Variants in BMPER observed in about 807,000 individuals in gnomAD.
BMPER encodes the protein BMP-binding endothelial regulator protein.
Under a neutral mutation model 87.3 loss-of-function variants are expected in BMPER, and 45 were observed. That is an observed-to-expected ratio of 0.52 (90% CI 0.41 to 0.66). The LOEUF (loss-of-function observed/expected upper bound fraction) is 0.66. Ranked by LOEUF, BMPER falls within the 30% of genes least tolerant of loss-of-function variation. BMPER has a pLI of 0.00. For missense variants in BMPER, 784 were observed against 867.5 expected (o/e 0.90, Z 1.21); for synonymous variants, 326 against 316.2 (o/e 1.03, Z -0.33).
intron 3 of BMPER, among the ~76,000 whole-genome samples, chr7:33,940,967 A>G (rs1784742280): frequency 7.4e-6 from 1 of 135,430 alleles, no homozygotes; most frequent in African/African-American, 2.8e-5. Flanking sequence ...ATTTATATAT[A>G]ATATAATTTA....
intron 11 of BMPER, among the ~76,000 whole-genome samples, chr7:34,062,745 G>T (rs776855008): frequency 6.6e-6 from 1 of 152,166 alleles, no homozygotes; most frequent in Non-Finnish European, 1.5e-5. Context: ...TTTGTACAGC[G>T]TGTCGCTGTA....
chr7:34,116,042 G>A (rs1790110221), intron 13 of BMPER, among the ~76,000 whole-genome samples: 1 of 152,148 alleles, frequency 6.6e-6, no homozygotes, highest in African/African-American at 2.4e-5. Context: ...GTTTTGGTTT[G>A]CATTTTCTTG....
intron 6 of BMPER, among the ~76,000 whole-genome samples, chr7:33,993,603 C>G (rs1786299710): frequency 6.6e-6 from 1 of 151,930 alleles, no homozygotes; most frequent in Non-Finnish European, 1.5e-5. Flanking sequence ...TCGTCTGAAG[C>G]CTTCTTCTCT....
At chr7:33,933,303 T>G (rs558609521) in intron 2 of BMPER, among the ~76,000 whole-genome samples, 99 of 152,186 alleles carry the variant, frequency 6.5e-4, no homozygotes, top group Non-Finnish European at 1.1e-3. Flanking sequence ...TTAACTATCT[T>G]CCTGAAAGAA....
chr7:34,117,697 G>A (rs1055081142), intron 13 of BMPER, among the ~76,000 whole-genome samples: 3 of 152,252 alleles, frequency 2.0e-5, no homozygotes, highest in Middle Eastern at 3.4e-3. Flanking sequence ...AAAAGTTTTT[G>A]CGTAGCATAA....
chr7:33,977,791 A>C (rs566855921), intron 6 of BMPER, among the ~76,000 whole-genome samples: 1 of 152,356 alleles, frequency 6.6e-6, no homozygotes, highest in Admixed American at 6.5e-5. Context: ...ATATAAAAAC[A>C]TGCTTATAAA....
intron 7 of BMPER, among the ~76,000 whole-genome samples, chr7:34,049,318 T>G (rs1788077360): frequency 6.6e-6 from 1 of 152,186 alleles, no homozygotes; most frequent in Admixed American, 6.5e-5. Context: ...GAGCTTTATA[T>G]TCACAATTTT....
At chr7:34,118,090 C>T (rs1488343133) in intron 13 of BMPER, among the ~76,000 whole-genome samples, 3 of 152,040 alleles carry the variant, frequency 2.0e-5, no homozygotes, top group Admixed American at 6.6e-5. Context: ...CTGAGGCAGG[C>T]GGATTGCAAG....
rs551060786 is a variant in BMPER at position 33,946,969 on chromosome 7, A to T, written c.319+9581A>T. Among the ~76,000 whole-genome samples the T allele has an allele frequency of 4.1e-4, 62 of 152,350 alleles. 1 individual carries two copies. The highest frequency in any genetic ancestry group is 1.4e-3 in the African/African-American group (60 of 41,588). ...ACCAAATTGTCCTTAGCTTTTATGA[A>T]GCCAGAATATTCTTTAAAACAGAAA... On this transcript the variant is annotated intron_variant, in intron 3 of 14. Transcript: ENST00000649409.
intron 13 of BMPER, among the ~76,000 whole-genome samples, chr7:34,135,849 G>C (rs1790704457): frequency 6.6e-6 from 1 of 152,134 alleles, no homozygotes; most frequent in Non-Finnish European, 1.5e-5. Context: ...TGAGGAGTGG[G>C]CTAACAATTT....
intron 6 of BMPER, among the ~76,000 whole-genome samples, chr7:33,978,886 ATACTT>A (rs765639602): frequency 6.6e-6 from 1 of 152,160 alleles, no homozygotes; most frequent in African/African-American, 2.4e-5. Flanking sequence ...CTTGAAAACT[ATACTT>A]AAAGTGAAAA....
chr7:34,031,913 T>C (rs1177588817), intron 6 of BMPER, among the ~76,000 whole-genome samples: 1 of 124,336 alleles, frequency 8.0e-6, no homozygotes, highest in Non-Finnish European at 1.6e-5. Flanking sequence ...TATATATATA[T>C]ATATATATAT....
chr7:33,947,869 T>C (rs1444616263), intron 3 of BMPER, among the ~76,000 whole-genome samples: 3 of 152,164 alleles, frequency 2.0e-5, no homozygotes, highest in Non-Finnish European at 4.4e-5. Context: ...TTTCAGAATA[T>C]TGCTATGTGG....
intron 6 of BMPER, among the ~76,000 whole-genome samples, chr7:34,041,827 G>A (rs1022495827): frequency 2.6e-5 from 4 of 152,004 alleles, no homozygotes; most frequent in African/African-American, 9.7e-5. Flanking sequence ...TTTGGCATAG[G>A]AAAAATTGCT....
intron 2 of BMPER, among the ~76,000 whole-genome samples, chr7:33,908,385 T>C (rs1016651980): frequency 1.3e-5 from 2 of 152,222 alleles, no homozygotes; most frequent in African/African-American, 4.8e-5. Context: ...CAAGCTTACG[T>C]ATGTAGTTTG....
intron 6 of BMPER, among the ~76,000 whole-genome samples, chr7:34,013,978 AC>A (rs1343384048): frequency 1.3e-5 from 2 of 151,908 alleles, no homozygotes; most frequent in African/African-American, 4.8e-5. Flanking sequence ...TTCCCTCACC[AC>A]TTAATAAATA....
chr7:34,100,483 C>T (rs577395352), intron 13 of BMPER, among the ~76,000 whole-genome samples: 5 of 152,204 alleles, frequency 3.3e-5, no homozygotes, highest in South Asian at 4.2e-4. Context: ...TCCAAAGTGC[C>T]GACGCAGCCA....
At chr7:34,068,380 G>A (rs1205594289) in intron 11 of BMPER, among the ~76,000 whole-genome samples, 3 of 152,166 alleles carry the variant, frequency 2.0e-5, no homozygotes, top group Non-Finnish European at 4.4e-5. Flanking sequence ...AGGTCTGGAG[G>A]GCTTTACAAC....
intron 13 of BMPER, among the ~76,000 whole-genome samples, chr7:34,120,958 G>A (rs963838823): frequency 6.6e-6 from 1 of 151,816 alleles, no homozygotes; most frequent in East Asian, 1.9e-4. Flanking sequence ...ATTGTATGTG[G>A]AAAAATTATG....
Sources: allele counts gnomAD v4.1 joint callset (sites outside exome capture counted in the v4.1 genomes callset), GRCh38; gene constraint gnomAD v4.1.1; transcripts MANE v1.5; gene names NCBI Gene and HGNC (gene_info 2026-07-23, HGNC 2026-07-21).